Variants in PTPN14 observed in about 807,000 individuals in gnomAD.
PTPN14 encodes tyrosine-protein phosphatase non-receptor type 14.
A neutral mutation model predicts 126.8 loss-of-function variants in PTPN14; 53 were observed. The observed-to-expected ratio is 0.42, with a 90% CI of 0.34 to 0.53. The LOEUF (loss-of-function observed/expected upper bound fraction) is 0.53, where lower values mean the gene tolerates loss of function less well. Ranked by LOEUF, PTPN14 falls within the 20% of genes least tolerant of loss-of-function variation. The pLI is 0.08. For synonymous variants in PTPN14, 630 were observed against 599.3 expected, an observed-to-expected ratio of 1.05 and a Z score of -0.75; for missense variants, 1,257 against 1,552.9, an observed-to-expected ratio of 0.81 and a Z score of 3.20.
At position 214,384,973 on chromosome 1, in the gene PTPN14, GA is replaced by G. The variant is rs1254266809; in HGVS notation, c.1067-186del. ...TGGATGAAATGCCAACATACAGAAA[GA>G]ACACCTTAAGACATACTGAAAAGAA... On this transcript the variant is annotated intron_variant, in intron 12 of 18. Coordinates refer to ENST00000366956, the MANE Select transcript of PTPN14 (RefSeq NM_005401.5). This position sits in a 1 kb window ranked among gnomAD's most constrained non-coding sequence, Gnocchi z 5.3. Among the ~76,000 whole-genome samples, 1 of 152,132 alleles carries G rather than the reference GA, an allele frequency of 6.6e-6. No individual in the cohort carries two copies. Among genetic ancestry groups the G allele is most frequent in the Non-Finnish European group, 1.5e-5 (1 of 68,020 alleles).
At chr1:214,424,768 T>C (rs1277804842) in intron 3 of PTPN14, among the ~76,000 whole-genome samples, 5 of 152,136 alleles carry the variant, frequency 3.3e-5, no homozygotes, top group African/African-American at 1.2e-4. Flanking sequence ...AGGCTGGTCT[T>C]GAACTCCTGA....
intron 4 of PTPN14, 113 bp downstream of exon 4, chr1:214,414,516 G>A (rs569523650): frequency 3.2e-6 from 3 of 931,958 alleles, no homozygotes; most frequent in South Asian, 1.6e-5. Context: ...AATAAAAAGG[G>A]AGCATTACTA....
At chr1:214,449,257 C>G (rs77498507) in intron 3 of PTPN14, among the ~76,000 whole-genome samples, 2 of 151,896 alleles carry the variant, frequency 1.3e-5, no homozygotes, top group African/African-American at 4.8e-5. Flanking sequence ...CCGCCCGCCT[C>G]GGCCTCCCAA....
intron 1 of PTPN14, among the ~76,000 whole-genome samples, chr1:214,487,542 C>T (rs1403910327): frequency 2.0e-5 from 3 of 149,104 alleles, no homozygotes; most frequent in Non-Finnish European, 4.5e-5. Context: ...AGGAGAATCA[C>T]TTGAACCCTT....
At position 214,382,283 on chromosome 1, in the gene PTPN14, T is replaced by C. The variant is rs531069520; in HGVS notation, c.2544+1028A>G. ...CTTCGTTGTTCTATATGTGCCTGCA[T>C]AGTCCTGTTCTGACAACTTAACTGT... On this transcript the variant is annotated intron_variant, in intron 13 of 18. Transcript: ENST00000366956. 3.0e-4 allele frequency among the ~76,000 whole-genome samples: 46 copies of C among 152,316 alleles called. 2 individuals are homozygous for C. In the South Asian group the frequency reaches 8.7e-3, roughly 29 times the overall value.
At chr1:214,429,731 A>G (rs1659754966) in intron 3 of PTPN14, among the ~76,000 whole-genome samples, 1 of 152,228 alleles carries the variant, frequency 6.6e-6, no homozygotes. Context: ...GCCAACTAGA[A>G]TATTAATTAT....
Position 214,390,977 on chromosome 1 carries a change from T to C in PTPN14, c.987+11A>G. 2 of 1,526,434 alleles carry C rather than the reference T, an allele frequency of 1.3e-6. No individual in the cohort carries two copies. Among genetic ancestry groups the C allele is most frequent in the Non-Finnish European group, 1.8e-6 (2 of 1,117,336 alleles). 94.6% of individuals were successfully genotyped at this position (1,526,434 alleles called of 1,614,324 possible). A position where few individuals can be genotyped will look rare whatever the true frequency, so the allele number is the denominator to read the frequency against. ...GTCAGATCACTTGATCACTGCAGCT[T>C]CTATACATACCAGAGAGGATCGGCT... On this transcript the variant is annotated intron_variant, in intron 11 of 18. Coordinates refer to ENST00000366956, the MANE Select transcript of PTPN14 (RefSeq NM_005401.5).
intron 1 of PTPN14, among the ~76,000 whole-genome samples, chr1:214,517,928 G>C (rs774968383): frequency 6.6e-6 from 1 of 152,122 alleles, no homozygotes; most frequent in Non-Finnish European, 1.5e-5. Flanking sequence ...CTGGGTGACA[G>C]AGAGAGACTC....
At chr1:214,497,002 G>T (rs2102425464) in intron 1 of PTPN14, among the ~76,000 whole-genome samples, 1 of 151,978 alleles carries the variant, frequency 6.6e-6, no homozygotes, top group Admixed American at 6.5e-5. Context: ...ATCCAAAACT[G>T]AGAGACCATA....
At chr1:214,523,615 A>G (rs1655315700) in intron 1 of PTPN14, among the ~76,000 whole-genome samples, 1 of 151,994 alleles carries the variant, frequency 6.6e-6, no homozygotes, top group South Asian at 2.1e-4. Context: ...CTCAGAACAT[A>G]CCCCCTTGTT....
rs904202090 is a variant in PTPN14 at position 214,372,658 on chromosome 1, T to C, written c.3036+53A>G. 3.1e-6 allele frequency: 5 copies of C among 1,612,316 alleles called. No homozygotes were observed. In the Admixed American group the frequency reaches 5.0e-5, roughly 16 times the overall value. ...AGTTGACAGCACAAAGCCCATCTTCTGGCCACCCTTTCCCCTGGGGAAAAA... is the reference window on the plus strand; with the variant it reads ...AGTTGACAGCACAAAGCCCATCTTCCGGCCACCCTTTCCCCTGGGGAAAAA... On this transcript the variant is annotated intron_variant, in intron 16 of 18. Transcript: ENST00000366956.
At chr1:214,543,841 G>A (rs993236812) in intron 1 of PTPN14, among the ~76,000 whole-genome samples, 18 of 152,196 alleles carry the variant, frequency 1.2e-4, no homozygotes, top group Non-Finnish European at 2.6e-4. Flanking sequence ...GGATGGTCTC[G>A]ATCTCTTGAC....
chr1:214,544,953 T>C (rs1044015738), intron 1 of PTPN14, among the ~76,000 whole-genome samples: 3 of 151,858 alleles, frequency 2.0e-5, no homozygotes, highest in Non-Finnish European at 4.4e-5. Flanking sequence ...GGTGGAGCCT[T>C]AGTTGACCAC....
Position 214,364,766 on chromosome 1 carries a change from AGTGTGTGTGT to A in PTPN14, c.3272-101_3272-92del, listed in dbSNP as rs57429060. 2,357 of 591,784 alleles carry A rather than the reference AGTGTGTGTGT, an allele frequency of 4.0e-3. 2 individuals carry two copies. Among genetic ancestry groups the A allele is most frequent in the Middle Eastern group, 0.011 (22 of 1,978 alleles). 36.7% of individuals were successfully genotyped at this position (591,784 alleles called of 1,614,324 possible). Reference sequence around the variant, plus strand: ...GGGGAGCGGAAGAGAACTGATGGTGAGTGTGTGTGTGTGTGTGTGTGTGTGTGTGTGTGTG... The same window carrying A: ...GGGGAGCGGAAGAGAACTGATGGTGAGTGTGTGTGTGTGTGTGTGTGTGTG... On this transcript the variant is annotated intron_variant, in intron 17 of 18. Coordinates refer to ENST00000366956, the MANE Select transcript of PTPN14 (RefSeq NM_005401.5). This position sits in a 1 kb window ranked among gnomAD's most constrained non-coding sequence, Gnocchi z 4.1.
chr1:214,451,663 C>G, intron 3 of PTPN14, 142 bp downstream of exon 3: 1 of 949,962 alleles, frequency 1.1e-6, no homozygotes, highest in Non-Finnish European at 1.5e-6. Flanking sequence ...AGTAAACAAC[C>G]CCCAACTATT....
chr1:214,432,973 G>A (rs1257988343), intron 3 of PTPN14, among the ~76,000 whole-genome samples: 2 of 152,016 alleles, frequency 1.3e-5, no homozygotes, highest in African/African-American at 2.4e-5. Context: ...GCACGATCTC[G>A]GTTCACTGCA....
At chr1:214,476,903 T>C (rs1012165619) in intron 1 of PTPN14, among the ~76,000 whole-genome samples, 4 of 152,218 alleles carry the variant, frequency 2.6e-5, no homozygotes, top group Non-Finnish European at 5.9e-5. Flanking sequence ...TCCTTGCTAC[T>C]TCACGGAATA....
At position 214,482,707 on chromosome 1, in the gene PTPN14, A is replaced by T. The variant is rs182522630; in HGVS notation, c.-154-17750T>A. ...TACCTTGACTTAAATCCAAGAGCAAAAGTTAAGACTCTCCTCCTCTATTTT... is the reference window on the plus strand; with the variant it reads ...TACCTTGACTTAAATCCAAGAGCAATAGTTAAGACTCTCCTCCTCTATTTT... On this transcript the variant is annotated intron_variant, in intron 1 of 18. Transcript: ENST00000366956. The T allele has an allele frequency of 4.5e-4, 563 of 1,239,086 alleles. No homozygotes were observed. In the African/African-American group the frequency reaches 8.1e-3, roughly 18 times the overall value. The allele number at this position is 1,239,086 out of a possible 1,614,324, so 76.8% of individuals were successfully genotyped here.
At chr1:214,432,862 G>C (rs902870943) in intron 3 of PTPN14, among the ~76,000 whole-genome samples, 1 of 152,164 alleles carries the variant, frequency 6.6e-6, no homozygotes, top group Non-Finnish European at 1.5e-5. Flanking sequence ...TCTGATTCTT[G>C]AACTAGTGAC....
Sources: gnomAD v4.1 joint callset for allele counts (sites outside exome capture counted in the v4.1 genomes callset) on GRCh38, gnomAD v4.1.1 for gene constraint, Gnocchi (gnomAD v3.1) non-coding constraint, MANE v1.5 for transcripts, NCBI Gene and HGNC (gene_info 2026-07-23, HGNC 2026-07-21) for gene names.